SPAST: variants seen among roughly 807,000 people sequenced by gnomAD.
SPAST encodes the protein spastic paraplegia 4 (autosomal dominant; spastin).
SPAST carries 30 observed loss-of-function variants against 76.6 expected under a neutral mutation model. The ratio of observed to expected loss-of-function variants is 0.39; its 90% CI spans 0.29 to 0.53. The LOEUF is 0.53. Among genes scored for constraint, SPAST ranks in the 20% least tolerant of loss-of-function variants. SPAST has a pLI of 0.68. For synonymous variants in SPAST, 305 were observed against 281.0 expected (o/e 1.09, Z -0.86); for missense variants, 717 against 770.5 (o/e 0.93, Z 0.82).
chr2:32,110,677 G>C (rs946591357), intron 4 of SPAST, among the ~76,000 whole-genome samples: 3 of 134,396 alleles, frequency 2.2e-5, no homozygotes, highest in African/African-American at 8.4e-5. Flanking sequence ...AGTATATATA[G>C]TGTATATATA....
At chr2:32,098,301 A>C (rs1677997385) in intron 3 of SPAST, among the ~76,000 whole-genome samples, 1 of 152,074 alleles carries the variant, frequency 6.6e-6, no homozygotes, top group Non-Finnish European at 1.5e-5. Context: ...CCCCGTCTCT[A>C]CAAAAAATAA....
At chr2:32,106,848 G>C (rs1678341872) in intron 4 of SPAST, among the ~76,000 whole-genome samples, 1 of 151,074 alleles carries the variant, frequency 6.6e-6, no homozygotes, top group Non-Finnish European at 1.5e-5. Flanking sequence ...GTTTCTTTTA[G>C]CGTGGCTGTG....
intron 4 of SPAST, among the ~76,000 whole-genome samples, chr2:32,106,386 A>T (rs2148723748): frequency 6.6e-6 from 1 of 152,216 alleles, no homozygotes; most frequent in East Asian, 1.9e-4. Context: ...TAGGAGAGGG[A>T]ATTCCCCAAC....
intron 1 of SPAST, among the ~76,000 whole-genome samples, chr2:32,072,372 G>A (rs1558612511): frequency 1.3e-5 from 2 of 152,152 alleles, no homozygotes; most frequent in African/African-American, 4.8e-5. Flanking sequence ...TTCATGGCCT[G>A]CTATCTGACG....
intron 8 of SPAST, 108 bp from the exon 9 acceptor site, chr2:32,128,300 G>T (rs537836691): frequency 2.3e-6 from 2 of 860,994 alleles, no homozygotes; most frequent in Non-Finnish European, 3.8e-6. Flanking sequence ...TGGCCTCATA[G>T]CTTACATTTT....
chr2:32,064,129 GC>G lies in SPAST; in HGVS notation c.300del (p.Ser101ArgfsTer60). 6.4e-7 allele frequency: 1 copy of G among 1,574,622 alleles called. No homozygotes were observed. Among genetic ancestry groups the G allele is most frequent in the Non-Finnish European group, 8.6e-7 (1 of 1,161,068 alleles). On this transcript the variant is annotated frameshift_variant, in exon 1 of 17. Transcript: ENST00000315285. LOFTEE classifies it high-confidence loss of function. ...KRSSGAAPAPASASAPAPVPG... is the reference protein window; with the variant it reads ...KRSSGAAPAPXSASAPAPVPG... ...GAGCTCCGGGGCCGCGCCAGCACCT[GC>G]CTCGGCCTCGGCCCCGGCGCCGGTG...
chr2:32,156,059 A>AC lies in SPAST; in HGVS notation c.*1564dup, dbSNP rs933223394. On this transcript the variant is annotated 3_prime_UTR_variant, in exon 17 of 17. Coordinates refer to ENST00000315285, the MANE Select transcript of SPAST (RefSeq NM_014946.4). Reference sequence around the variant, plus strand: ...TTCTGGGTTTTTTTTTTTTTTTGAGACAGAGTTTCGCTCTTGTTGCCCAGG... The same window carrying AC: ...TTCTGGGTTTTTTTTTTTTTTTGAGACCAGAGTTTCGCTCTTGTTGCCCAGG... 2 of 146,990 alleles carry AC rather than the reference A, an allele frequency of 1.4e-5. No homozygotes were observed. The highest frequency in any genetic ancestry group is 5.0e-5 in the African/African-American group (2 of 39,614). The allele number at this position is 146,990 out of a possible 1,614,324, so 9.1% of individuals were successfully genotyped here.
intron 8 of SPAST, chr2:32,127,836 GTCTC>G (rs1482930030): frequency 1.3e-5 from 2 of 152,052 alleles, no homozygotes; most frequent in Non-Finnish European, 2.9e-5. Flanking sequence ...GAATAACACT[GTCTC>G]TCTTTTTTTT....
At chr2:32,085,870 C>T (rs1464523843) in intron 1 of SPAST, among the ~76,000 whole-genome samples, 5 of 151,594 alleles carry the variant, frequency 3.3e-5, no homozygotes, top group South Asian at 4.2e-4. Context: ...GGTGAAACCC[C>T]GTCTCTACTA....
intron 1 of SPAST, among the ~76,000 whole-genome samples, chr2:32,070,769 A>G (rs556347253): frequency 2.1e-4 from 32 of 152,330 alleles, no homozygotes; most frequent in African/African-American, 7.5e-4. Flanking sequence ...AGCTGGGTCT[A>G]CAGACATATA....
At chr2:32,101,832 A>G (rs1035245126) in intron 4 of SPAST, among the ~76,000 whole-genome samples, 10 of 152,104 alleles carry the variant, frequency 6.6e-5, no homozygotes, top group Non-Finnish European at 1.3e-4. Flanking sequence ...CCATTGGTCT[A>G]TATCTCTGTT....
intron 14 of SPAST, among the ~76,000 whole-genome samples, chr2:32,143,651 T>C (rs1286479243): frequency 6.6e-6 from 1 of 152,190 alleles, no homozygotes; most frequent in East Asian, 1.9e-4. Context: ...GATGATAGTA[T>C]ATTCTTTTTA....
chr2:32,072,970 T>C (rs1676812106), intron 1 of SPAST, among the ~76,000 whole-genome samples: 1 of 152,244 alleles, frequency 6.6e-6, no homozygotes, highest in South Asian at 2.1e-4. Context: ...TGATTACATA[T>C]GCAATAAACA....
chr2:32,104,972 G>C (rs1358918296), intron 4 of SPAST, among the ~76,000 whole-genome samples: 7 of 152,140 alleles, frequency 4.6e-5, no homozygotes, highest in Admixed American at 4.6e-4. Flanking sequence ...GGCATTCTCT[G>C]TATTTCCTGA....
In SPAST at chr2:32,154,752, A is replaced by G. The variant is rs6730400; in HGVS notation, c.*256A>G. On this transcript the variant is annotated 3_prime_UTR_variant, in exon 17 of 17. Transcript: ENST00000315285. ...AATGGACACTAAGTTAGAGCACAAC[A>G]AAACCTGATTCTGGTCTTCTTTACC... 2,350 of 459,468 alleles carry G rather than the reference A, an allele frequency of 5.1e-3. 46 individuals are homozygous for G. The highest frequency in any genetic ancestry group is 0.042 in the African/African-American group (2,125 of 50,972). The allele number at this position is 459,468 out of a possible 1,614,324, so 28.5% of individuals were successfully genotyped here.
At chr2:32,065,750 G>C (rs1406755088) in intron 1 of SPAST, among the ~76,000 whole-genome samples, 2 of 152,126 alleles carry the variant, frequency 1.3e-5, no homozygotes, top group Non-Finnish European at 2.9e-5. Flanking sequence ...CATAGTGTCT[G>C]TCTCTACTGC....
chr2:32,109,982 TTA>T (rs1423206254), intron 4 of SPAST, among the ~76,000 whole-genome samples: 2 of 148,586 alleles, frequency 1.3e-5, no homozygotes, highest in Non-Finnish European at 3.0e-5. Context: ...ACATATATAG[TTA>T]TATATGTATT....
intron 7 of SPAST, among the ~76,000 whole-genome samples, chr2:32,117,245 C>G (rs1346757091): frequency 1.3e-5 from 2 of 151,812 alleles, no homozygotes; most frequent in African/African-American, 4.8e-5. Context: ...GAGCGAGACT[C>G]CGTCTCAAAA....
chr2:32,098,711 G>T, intron 3 of SPAST, 85 bp from the exon 4 acceptor site: 1 of 885,994 alleles, frequency 1.1e-6, no homozygotes, highest in East Asian at 2.5e-5. Flanking sequence ...TGAGTAATTT[G>T]TCATTTCACA....
Sources: allele counts gnomAD v4.1 joint callset (sites outside exome capture counted in the v4.1 genomes callset), GRCh38; gene constraint gnomAD v4.1.1; transcripts MANE v1.5; gene names NCBI Gene and HGNC (gene_info 2026-07-23, HGNC 2026-07-21).